The following FHIT variants were observed in gnomAD, a reference collection of about 807,000 sequenced individuals.
FHIT encodes fragile histidine triad diadenosine triphosphatase, also known as bis(5'-adenosyl)-triphosphatase.
Under a neutral mutation model 17.9 loss-of-function variants are expected in FHIT, and 19 were observed. The observed-to-expected ratio is 1.06, with a 90% confidence interval of 0.74 to 1.56. The LOEUF (loss-of-function observed/expected upper bound fraction) is 1.56. FHIT is among the 40% of genes most tolerant of loss of function. FHIT has a pLI of 0.00. For synonymous variants in FHIT, 81 were observed against 69.7 expected (o/e 1.16, Z -0.81); for missense variants, 248 against 189.2 (o/e 1.31, Z -1.82).
At chr3:60,863,997 C>T (rs918406350) in intron 3 of FHIT, among the ~76,000 whole-genome samples, 15 of 152,110 alleles carry the variant, frequency 9.9e-5, no homozygotes, top group Non-Finnish European at 2.2e-4. Flanking sequence ...CTCACAGTTC[C>T]ACATGGCTGA....
At chr3:60,350,200 A>C (rs1202404238) in intron 5 of FHIT, among the ~76,000 whole-genome samples, 5 of 152,156 alleles carry the variant, frequency 3.3e-5, no homozygotes, top group Non-Finnish European at 7.4e-5. Context: ...AGGGTCCTGG[A>C]GACTCCCAAC....
chr3:60,788,601 A>C (rs1700663793), intron 4 of FHIT, among the ~76,000 whole-genome samples: 1 of 152,164 alleles, frequency 6.6e-6, no homozygotes, highest in African/African-American at 2.4e-5. Flanking sequence ...GTTGCCACAA[A>C]GGGAGGTATG....
At chr3:60,002,303 GTTGT>G (rs759830544) in intron 7 of FHIT, among the ~76,000 whole-genome samples, 79 of 152,080 alleles carry the variant, frequency 5.2e-4, no homozygotes, top group East Asian at 9.7e-4. Context: ...TTTGTTTGTT[GTTGT>G]TTGTTTGTTT....
chr3:59,791,350 T>C (rs1472470525), intron 8 of FHIT, among the ~76,000 whole-genome samples: 1 of 152,172 alleles, frequency 6.6e-6, no homozygotes, highest in Non-Finnish European at 1.5e-5. Context: ...ACCCACAATC[T>C]TTCTACCATA....
chr3:60,955,706 GGATACTTCATCCA>G (rs1424297387), intron 3 of FHIT, among the ~76,000 whole-genome samples: 1 of 149,536 alleles, frequency 6.7e-6, no homozygotes, highest in East Asian at 1.9e-4. Context: ...AAACATGAAT[GGATACTTCATCCA>G]GTACATCCAT....
chr3:61,023,313 A>G (rs534528854), intron 3 of FHIT, among the ~76,000 whole-genome samples: 2 of 152,350 alleles, frequency 1.3e-5, no homozygotes, highest in African/African-American at 4.8e-5. Flanking sequence ...TTCAAGGAGA[A>G]CTACAAACCA....
chr3:60,706,625 A>G (rs1368720012), intron 4 of FHIT, among the ~76,000 whole-genome samples: 1 of 152,170 alleles, frequency 6.6e-6, no homozygotes, highest in Non-Finnish European at 1.5e-5. Flanking sequence ...GCGAAACACC[A>G]TGTCTGACAC....
intron 5 of FHIT, among the ~76,000 whole-genome samples, chr3:60,221,058 G>C (rs1703937512): frequency 6.6e-6 from 1 of 152,078 alleles, no homozygotes; most frequent in African/African-American, 2.4e-5. Context: ...GCTTTATAAT[G>C]CCTAAAGCAT....
chr3:61,017,626 A>C lies in FHIT; in HGVS notation c.-111+24421T>G, dbSNP rs1300274251. On this transcript the variant is annotated intron_variant, in intron 3 of 9. Transcript: ENST00000492590. Reference sequence around the variant, plus strand: ...AGACTCCCTGAATACAGGGACCAAAATTCATTCAATGTTGCCACTTGGGTG... The same window carrying C: ...AGACTCCCTGAATACAGGGACCAAACTTCATTCAATGTTGCCACTTGGGTG... 2.0e-5 allele frequency among the ~76,000 whole-genome samples: 3 copies of C among 152,198 alleles called. No individual in the cohort carries two copies. The East Asian group carries it at 5.8e-4, about 29-fold the overall frequency.
At chr3:60,136,216 G>A (rs552248343) in intron 5 of FHIT, among the ~76,000 whole-genome samples, 34 of 152,232 alleles carry the variant, frequency 2.2e-4, no homozygotes, top group African/African-American at 7.9e-4. Context: ...CACAAGGAGA[G>A]GAGAAGAGGG....
intron 3 of FHIT, among the ~76,000 whole-genome samples, chr3:61,010,883 T>A (rs748516610): frequency 6.6e-6 from 1 of 152,206 alleles, no homozygotes; most frequent in Non-Finnish European, 1.5e-5. Context: ...AGAAAAAATA[T>A]AACCTAAATA....
chr3:60,997,404 A>T (rs1321163112), intron 3 of FHIT, among the ~76,000 whole-genome samples: 1 of 152,012 alleles, frequency 6.6e-6, no homozygotes, highest in Non-Finnish European at 1.5e-5. Flanking sequence ...TAAAGATCTA[A>T]ATTTCTGACT....
intron 2 of FHIT, among the ~76,000 whole-genome samples, chr3:61,120,103 C>T (rs996178184): frequency 2.0e-5 from 3 of 152,128 alleles, no homozygotes; most frequent in African/African-American, 7.2e-5. Flanking sequence ...ACTTGAATGA[C>T]CTGGGTTCAA....
chr3:60,750,353 T>C (rs1553716485), intron 4 of FHIT, among the ~76,000 whole-genome samples: 1 of 152,178 alleles, frequency 6.6e-6, no homozygotes, highest in Non-Finnish European at 1.5e-5. Context: ...TAATGACAAG[T>C]TCCCCTCCTG....
In FHIT at chr3:60,222,706, G is replaced by A. The variant is rs115747947; in HGVS notation, c.104-208554C>T. ...ACCTTTAAATATAACTTCAGTAGCA[G>A]ACACTATGCTGATGGTTTGACTAAA... On this transcript the variant is annotated intron_variant, in intron 5 of 9. Coordinates refer to ENST00000492590, the MANE Select transcript of FHIT (RefSeq NM_002012.4). Among the ~76,000 whole-genome samples the A allele has an allele frequency of 5.8e-3, 882 of 152,226 alleles. 4 individuals carry two copies. The highest frequency in any genetic ancestry group is 0.024 in the Middle Eastern group (7 of 294).
At chr3:59,754,375 T>C (rs1701090707) in intron 8 of FHIT, among the ~76,000 whole-genome samples, 1 of 152,210 alleles carries the variant, frequency 6.6e-6, no homozygotes, top group Non-Finnish European at 1.5e-5. Context: ...CATTAAGAAG[T>C]CATTTCCTTT....
rs550062525 is a variant in FHIT, at chr3:60,140,776, C to G, written c.104-126624G>C. On this transcript the variant is annotated intron_variant, in intron 5 of 9. Transcript: ENST00000492590. ...TATTTTTAGTAGATACAGGGTTTCTCCATGTTGATCAGGCTGGTTTCGAAC... is the reference window on the plus strand; with the variant it reads ...TATTTTTAGTAGATACAGGGTTTCTGCATGTTGATCAGGCTGGTTTCGAAC... Among the ~76,000 whole-genome samples the G allele has an allele frequency of 3.9e-4, 59 of 152,098 alleles. 2 individuals are homozygous for G. The South Asian group carries it at 0.011, about 27-fold the overall frequency.
chr3:60,415,085 G>A (rs1406216665), intron 5 of FHIT, among the ~76,000 whole-genome samples: 1 of 152,144 alleles, frequency 6.6e-6, no homozygotes, highest in Non-Finnish European at 1.5e-5. Context: ...CAGGCATTCT[G>A]ATGCTGGTAG....
At chr3:60,246,963 T>C (rs1462218096) in intron 5 of FHIT, among the ~76,000 whole-genome samples, 4 of 152,122 alleles carry the variant, frequency 2.6e-5, no homozygotes, top group Non-Finnish European at 5.9e-5. Flanking sequence ...ATTGAAACTA[T>C]TCTGTATGAT....
Sources: gnomAD v4.1 joint callset for allele counts (sites outside exome capture counted in the v4.1 genomes callset) on GRCh38, gnomAD v4.1.1 for gene constraint, MANE v1.5 for transcripts, NCBI Gene and HGNC (gene_info 2026-07-23, HGNC 2026-07-21) for gene names.